FRMD4A: variants seen among roughly 807,000 people sequenced by gnomAD.
FRMD4A encodes FERM domain-containing protein 4A.
In FRMD4A, 29 loss-of-function variants were observed where a neutral mutation model predicts 129.1. The observed-to-expected ratio is 0.22, with a 90% CI of 0.17 to 0.31. The LOEUF (loss-of-function observed/expected upper bound fraction) is 0.31, where lower values mean the gene tolerates loss of function less well. Among genes scored for constraint, FRMD4A ranks in the 10% least tolerant of loss-of-function variants. The pLI is 1.00. For synonymous variants in FRMD4A, 634 were observed against 571.6 expected, an observed-to-expected ratio of 1.11 and a Z score of -1.56; for missense variants, 1,272 against 1,375.8, an observed-to-expected ratio of 0.92 and a Z score of 1.19.
At chr10:13,972,250 C>T in intron 2 of FRMD4A, 1 of 993,110 alleles carries the variant, frequency 1.0e-6, no homozygotes, top group Non-Finnish European at 1.2e-6. Context: ...GAGCTGCAGC[C>T]TTCCCTGCAA....
chr10:13,929,480 C>T (rs897402420), intron 2 of FRMD4A, among the ~76,000 whole-genome samples: 17 of 152,158 alleles, frequency 1.1e-4, no homozygotes, highest in Non-Finnish European at 1.6e-4. Context: ...GGTGGGGGAG[C>T]AGTGTTGTCC....
chr10:13,845,502 C>T lies in FRMD4A; in HGVS notation c.111+13345G>A, dbSNP rs554555543. Among the ~76,000 whole-genome samples the T allele has an allele frequency of 2.6e-5, 4 of 152,304 alleles. No individual in the cohort carries two copies. The South Asian group carries it at 8.3e-4, about 32-fold the overall frequency. On this transcript the variant is annotated intron_variant, in intron 3 of 24. Coordinates refer to ENST00000357447, the MANE Select transcript of FRMD4A (RefSeq NM_018027.5). Reference sequence around the variant, plus strand: ...GATAATAGCACCATAAATTATGTAGCACTTAATAGTCTCTTAAATGCTTTC... The same window carrying T: ...GATAATAGCACCATAAATTATGTAGTACTTAATAGTCTCTTAAATGCTTTC...
At chr10:14,048,741 G>A (rs1354005239) in intron 2 of FRMD4A, among the ~76,000 whole-genome samples, 1 of 152,084 alleles carries the variant, frequency 6.6e-6, no homozygotes, top group East Asian at 1.9e-4. Context: ...GGGAAGCGGA[G>A]GTTGCAGTGA....
rs60196881 is a variant in FRMD4A, at chr10:14,184,298, A to ATTTTTTTTTTTTTTTTTTTTT, written c.45+145759_45+145760insAAAAAAAAAAAAAAAAAAAAA. ...AGGTGCATACCACCACAACCGGTTA[A>ATTTTTTTTTTTTTTTTTTTTT]TTTTTTTTTTTTTTTTAGTAGAGAT... On this transcript the variant is annotated intron_variant, in intron 2 of 24. Coordinates refer to ENST00000357447, the MANE Select transcript of FRMD4A (RefSeq NM_018027.5). Among the ~76,000 whole-genome samples the ATTTTTTTTTTTTTTTTTTTTT allele has an allele frequency of 5.2e-3, 548 of 104,772 alleles. 51 individuals carry two copies. The highest frequency in any genetic ancestry group is 6.2e-3 in the Non-Finnish European group (318 of 51,114). The allele number at this position is 104,772 out of a possible 152,430, so 68.7% of individuals were successfully genotyped here.
chr10:13,915,291 C>A (rs2094988217), intron 2 of FRMD4A, among the ~76,000 whole-genome samples: 1 of 152,018 alleles, frequency 6.6e-6, no homozygotes, highest in Non-Finnish European at 1.5e-5. Flanking sequence ...GGCTAGCGAA[C>A]TGGAGCACGG....
intron 3 of FRMD4A, among the ~76,000 whole-genome samples, chr10:13,825,579 C>A (rs893374831): frequency 2.6e-5 from 4 of 152,200 alleles, no homozygotes; most frequent in Admixed American, 6.5e-5. Flanking sequence ...CCTCCCCACC[C>A]TGGTCCATGG....
chr10:14,321,716 T>C (rs1843060747), intron 2 of FRMD4A, among the ~76,000 whole-genome samples: 1 of 152,130 alleles, frequency 6.6e-6, no homozygotes, highest in Admixed American at 6.5e-5. Context: ...GCAACAGTGA[T>C]AAGAGACTAG....
intron 2 of FRMD4A, among the ~76,000 whole-genome samples, chr10:14,278,024 G>T (rs977436448): frequency 6.6e-6 from 1 of 152,146 alleles, no homozygotes; most frequent in Non-Finnish European, 1.5e-5. Flanking sequence ...CTGACATCTG[G>T]CCTGAGCTGC....
chr10:14,237,140 G>A (rs1219742837), intron 2 of FRMD4A, among the ~76,000 whole-genome samples: 1 of 151,782 alleles, frequency 6.6e-6, no homozygotes, highest in Non-Finnish European at 1.5e-5. Context: ...TATGTAGGGT[G>A]CCCACAGCTG....
At chr10:13,705,519 T>G (rs1220208146) in intron 13 of FRMD4A, among the ~76,000 whole-genome samples, 1 of 152,206 alleles carries the variant, frequency 6.6e-6, no homozygotes, top group African/African-American at 2.4e-5. Context: ...ATCCCCTTTC[T>G]GCATCTGACC....
At position 13,741,988 on chromosome 10, in the gene FRMD4A, C is replaced by A. The variant is rs2094206; in HGVS notation, c.549-1411G>T. Among the ~76,000 whole-genome samples, 35 of 152,086 alleles carry A rather than the reference C, an allele frequency of 2.3e-4. 1 individual carries two copies. In the East Asian group the frequency reaches 5.6e-3, roughly 24 times the overall value. ...TCTTGTGCCTCAGCCTCCTGAGTAG[C>A]TGGGATTACAGGTGTGTGTCACCAC... On this transcript the variant is annotated intron_variant, in intron 9 of 24. Transcript: ENST00000357447.
chr10:14,020,651 A>G (rs1832701284), intron 2 of FRMD4A, among the ~76,000 whole-genome samples: 1 of 151,506 alleles, frequency 6.6e-6, no homozygotes. Flanking sequence ...GGTGACTGGA[A>G]AAAAGGCAGC....
intron 4 of FRMD4A, among the ~76,000 whole-genome samples, chr10:13,809,199 C>T (rs984657065): frequency 3.9e-5 from 6 of 152,172 alleles, no homozygotes; most frequent in Non-Finnish European, 7.4e-5. Flanking sequence ...GCTGTTAGGG[C>T]AGTGATCTGA....
chr10:13,776,704 A>G (rs1264487921), intron 6 of FRMD4A, among the ~76,000 whole-genome samples: 1 of 152,220 alleles, frequency 6.6e-6, no homozygotes, highest in Admixed American at 6.5e-5. Context: ...TTTTACCTTG[A>G]CAACTTAGAT....
chr10:14,208,611 C>CT (rs1288411146), intron 2 of FRMD4A, among the ~76,000 whole-genome samples: 1 of 152,038 alleles, frequency 6.6e-6, no homozygotes, highest in Non-Finnish European at 1.5e-5. Context: ...CCTCAGCTGT[C>CT]TGTGCTCCTG....
chr10:13,657,562 T>G (rs755692249), intron 21 of FRMD4A, 40 bp from the exon 22 acceptor site: 774 of 1,248,734 alleles, frequency 6.2e-4, no homozygotes, highest in South Asian at 3.0e-3. Flanking sequence ...GGGTGGGGAG[T>G]GGGCCCAAGG....
At chr10:13,800,038 C>T (rs528073689) in intron 4 of FRMD4A, among the ~76,000 whole-genome samples, 1 of 151,890 alleles carries the variant, frequency 6.6e-6, no homozygotes, top group South Asian at 2.1e-4. Context: ...AAAAATTAGC[C>T]AGGCGTGGTG....
chr10:13,657,552 G>A (rs780839712), intron 21 of FRMD4A, 30 bp from the exon 22 acceptor site: 42 of 1,537,414 alleles, frequency 2.7e-5, no homozygotes, highest in Middle Eastern at 2.1e-4. Flanking sequence ...GTTGGTCTGG[G>A]GGTGGGGAGT....
At chr10:13,884,091 C>A (rs914978924) in intron 2 of FRMD4A, among the ~76,000 whole-genome samples, 1 of 151,402 alleles carries the variant, frequency 6.6e-6, no homozygotes, top group Non-Finnish European at 1.5e-5. Context: ...GTGGTTGATG[C>A]AATGGAAAAG....
Sources: gnomAD v4.1 joint callset for allele counts (sites outside exome capture counted in the v4.1 genomes callset) on GRCh38, gnomAD v4.1.1 for gene constraint, MANE v1.5 for transcripts, NCBI Gene and HGNC (gene_info 2026-07-23, HGNC 2026-07-21) for gene names.